STIM1: variants seen among roughly 807,000 people sequenced by gnomAD.
The protein encoded by STIM1 is stromal interaction molecule 1.
Under a neutral mutation model 74.7 loss-of-function variants are expected in STIM1, and 25 were observed. The ratio of observed to expected loss-of-function variants is 0.33; its 90% confidence interval spans 0.24 to 0.47. STIM1 has a LOEUF of 0.47. Among genes scored for constraint, STIM1 ranks in the 20% least tolerant of loss-of-function variants. The probability of loss-of-function intolerance (pLI) is 1.00; values close to 1 mark genes in which losing one functional copy is unlikely to be tolerated. For synonymous variants in STIM1, 328 were observed against 348.8 expected (o/e 0.94, Z 0.66); for missense variants, 728 against 920.8 (o/e 0.79, Z 2.71).
Position 4,083,348 on chromosome 11 carries a change from G to A in STIM1, c.1324G>A (p.Val442Ile). The A allele has an allele frequency of 6.2e-7, 1 of 1,614,234 alleles. No individual in the cohort carries two copies. ...QIEILCGFQIVNNPGIHSLVA... is the reference protein window; with the variant it reads ...QIEILCGFQIINNPGIHSLVA... ...CGAGATCCTCTGTGGCTTCCAGATT[G>A]TCAACAACCCTGGCATCCACTCACT... Residue 442 changes from valine (V) to isoleucine (I), a missense_variant, in exon 10 of 13, where the codon GTC becomes ATC. Coordinates refer to ENST00000526596, the MANE Select transcript of STIM1 (RefSeq NM_001382567.1).
chr11:4,065,374 G>C (rs774803222), intron 5 of STIM1, among the ~76,000 whole-genome samples: 5 of 151,862 alleles, frequency 3.3e-5, no homozygotes, highest in Non-Finnish European at 4.4e-5. Context: ...GGTCCAATTT[G>C]CCCTTCAAGC....
Position 4,023,981 on chromosome 11 carries a change from T to C in STIM1, c.379T>C (p.Ser127Pro), listed in dbSNP as rs775191009. 6.2e-7 allele frequency: 1 copy of C among 1,613,634 alleles called. No homozygotes were observed. The highest frequency in any genetic ancestry group is 8.5e-7 in the Non-Finnish European group (1 of 1,179,678). Residue 127 changes from serine to proline, a missense_variant, in exon 3 of 13, where the codon TCA (serine) becomes CCA (proline). This residue lies in a region of STIM1 where 132 missense variants were observed against 158.2 expected (regional missense o/e 0.83). Transcript: ENST00000526596. Reference protein sequence around the residue: ...VEDLWKAWKSSEVYNWTVDEV... With the variant: ...VEDLWKAWKSPEVYNWTVDEV... Reference sequence around the variant, plus strand: ...GGACCTGTGGAAGGCATGGAAGTCATCAGAAGGTAATAGGCAGCCTGGTCA... The same window carrying C: ...GGACCTGTGGAAGGCATGGAAGTCACCAGAAGGTAATAGGCAGCCTGGTCA...
chr11:4,005,576 T>C (rs1486065268), intron 2 of STIM1, among the ~76,000 whole-genome samples: 1 of 91,114 alleles, frequency 1.1e-5, no homozygotes, highest in Non-Finnish European at 2.2e-5. Flanking sequence ...CTGGGGACTG[T>C]TGTGGGGTGG....
chr11:3,885,036 C>A (rs1287564136), intron 1 of STIM1, among the ~76,000 whole-genome samples: 1 of 151,760 alleles, frequency 6.6e-6, no homozygotes, highest in Non-Finnish European at 1.5e-5. Flanking sequence ...TATGGGGTTT[C>A]TTTTTGGGGT....
intron 1 of STIM1, among the ~76,000 whole-genome samples, chr11:3,930,035 CA>C (rs2092838508): frequency 6.6e-6 from 1 of 152,150 alleles, no homozygotes. Context: ...GGAGGTAATG[CA>C]GGCCCAGGTG....
chr11:3,900,874 C>A (rs1221529517), intron 1 of STIM1, among the ~76,000 whole-genome samples: 1 of 152,158 alleles, frequency 6.6e-6, no homozygotes, highest in Non-Finnish European at 1.5e-5. Flanking sequence ...CTGTGGCTGG[C>A]CCAATGCATT....
At chr11:3,910,383 G>T (rs1280346195) in intron 1 of STIM1, among the ~76,000 whole-genome samples, 1 of 152,146 alleles carries the variant, frequency 6.6e-6, no homozygotes, top group Non-Finnish European at 1.5e-5. Flanking sequence ...CAGAGGACTG[G>T]ATGAAACCTG....
At chr11:3,897,667 C>T (rs1276749597) in intron 1 of STIM1, among the ~76,000 whole-genome samples, 3 of 151,768 alleles carry the variant, frequency 2.0e-5, no homozygotes, top group Admixed American at 6.6e-5. Context: ...CCCCCCGCCA[C>T]GCCCACCCCA....
chr11:3,990,356 T>C (rs2093599223), intron 2 of STIM1, among the ~76,000 whole-genome samples: 1 of 152,254 alleles, frequency 6.6e-6, no homozygotes, highest in African/African-American at 2.4e-5. Flanking sequence ...TTGGCTATAA[T>C]GAAAACTGCT....
chr11:3,948,317 C>G (rs2093104243), intron 1 of STIM1, among the ~76,000 whole-genome samples: 1 of 151,932 alleles, frequency 6.6e-6, no homozygotes, highest in Non-Finnish European at 1.5e-5. Flanking sequence ...ATCTCCCTTT[C>G]TCTTCTTCTA....
chr11:3,869,793 T>C (rs2091010373), intron 1 of STIM1, among the ~76,000 whole-genome samples: 1 of 151,950 alleles, frequency 6.6e-6, no homozygotes, highest in Non-Finnish European at 1.5e-5. Flanking sequence ...TTGGTAAAGG[T>C]GAGATTGGAG....
intron 2 of STIM1, chr11:3,974,233 A>G: frequency 2.5e-6 from 1 of 403,948 alleles, no homozygotes. Flanking sequence ...TCTGTCTTAG[A>G]CATGATAGCA....
At chr11:4,025,177 A>C (rs1447531743) in intron 3 of STIM1, among the ~76,000 whole-genome samples, 2 of 152,212 alleles carry the variant, frequency 1.3e-5, no homozygotes, top group African/African-American at 4.8e-5. Context: ...GGTAGGAATG[A>C]GGCAGTTTCT....
intron 1 of STIM1, among the ~76,000 whole-genome samples, chr11:3,872,590 C>G (rs1364726431): frequency 7.0e-6 from 1 of 143,712 alleles, no homozygotes; most frequent in Non-Finnish European, 1.5e-5. Context: ...GGCGCAATCT[C>G]GGCTCACTGC....
chr11:4,010,248 AC>A (rs2093823126), intron 2 of STIM1, among the ~76,000 whole-genome samples: 1 of 148,154 alleles, frequency 6.7e-6, no homozygotes, highest in Admixed American at 6.8e-5. Context: ...TCGACTCACT[AC>A]AACCTCCGCC....
intron 1 of STIM1, among the ~76,000 whole-genome samples, chr11:3,881,202 A>G (rs947347668): frequency 6.6e-6 from 1 of 151,814 alleles, no homozygotes; most frequent in East Asian, 1.9e-4. Context: ...TATTTCATCA[A>G]CCCTAAGGAA....
chr11:4,042,195 A>G (rs1303250977), intron 3 of STIM1, among the ~76,000 whole-genome samples: 1 of 152,210 alleles, frequency 6.6e-6, no homozygotes. Context: ...ATGTATTGCT[A>G]TAGCTCAAGT....
At chr11:4,005,767 G>A (rs777336759) in intron 2 of STIM1, among the ~76,000 whole-genome samples, 87 of 151,760 alleles carry the variant, frequency 5.7e-4, no homozygotes, top group Non-Finnish European at 6.3e-4. Context: ...GTCTAATATG[G>A]TAGATAGACT....
chr11:3,895,636 T>TTC (rs60574260), intron 1 of STIM1, among the ~76,000 whole-genome samples: 1 of 11,560 alleles, frequency 8.7e-5, no homozygotes, highest in African/African-American at 1.3e-4. Context: ...CTTTCTTTCT[T>TTC]TCTTTCTTTC....
Sources: allele counts gnomAD v4.1 joint callset (sites outside exome capture counted in the v4.1 genomes callset), GRCh38; gene constraint gnomAD v4.1.1; regional missense constraint gnomAD v4.1.1; transcripts MANE v1.5; gene names NCBI Gene and HGNC (gene_info 2026-07-23, HGNC 2026-07-21).